The following MAPRE2 variants were observed in gnomAD, a reference collection of about 807,000 sequenced individuals.
MAPRE2 encodes the protein microtubule associated protein RP/EB family member 2.
A neutral mutation model predicts 43.2 loss-of-function variants in MAPRE2; 13 were observed. The observed-to-expected ratio is 0.30, with a 90% CI of 0.20 to 0.48. The LOEUF is 0.48. Among genes scored for constraint, MAPRE2 ranks in the 20% least tolerant of loss-of-function variants. The probability of loss-of-function intolerance (pLI) is 0.99; values close to 1 mark genes in which losing one functional copy is unlikely to be tolerated. For synonymous variants in MAPRE2, 135 were observed against 148.8 expected, an observed-to-expected ratio of 0.91 and a Z score of 0.68; for missense variants, 161 against 400.2, an observed-to-expected ratio of 0.40 and a Z score of 5.10.
chr18:35,064,239 T>G (rs887080033), intron 1 of MAPRE2, among the ~76,000 whole-genome samples: 3 of 151,782 alleles, frequency 2.0e-5, no homozygotes, highest in African/African-American at 7.3e-5. Context: ...TAAACCCTTT[T>G]CCTTATAGCC....
At chr18:35,002,511 A>G (rs1000832159) in intron 1 of MAPRE2, among the ~76,000 whole-genome samples, 2 of 152,178 alleles carry the variant, frequency 1.3e-5, no homozygotes, top group African/African-American at 4.8e-5. Context: ...TAGCTCTACC[A>G]TTTTACATTC....
chr18:34,985,644 A>G (rs1439724972), intron 1 of MAPRE2, among the ~76,000 whole-genome samples: 3 of 105,968 alleles, frequency 2.8e-5, no homozygotes, highest in African/African-American at 1.1e-4. Context: ...TTATAATAAT[A>G]TATAACATAT....
intron 1 of MAPRE2, among the ~76,000 whole-genome samples, chr18:35,068,455 A>G (rs1906944022): frequency 6.6e-6 from 1 of 152,218 alleles, no homozygotes; most frequent in Non-Finnish European, 1.5e-5. Flanking sequence ...AGCTTTTATC[A>G]ATAAAGGTAT....
upstream of MAPRE2, among the ~76,000 whole-genome samples, chr18:35,038,707 T>C (rs1193778507): frequency 6.6e-6 from 1 of 152,208 alleles, no homozygotes; most frequent in Non-Finnish European, 1.5e-5. Context: ...GCCCTCCCTT[T>C]TCCCTAGGGC....
At chr18:35,000,746 T>C (rs1255043797) in intron 1 of MAPRE2, among the ~76,000 whole-genome samples, 1 of 152,146 alleles carries the variant, frequency 6.6e-6, no homozygotes, top group Non-Finnish European at 1.5e-5. Flanking sequence ...TGGCTGCTCA[T>C]TTCTGAGGAG....
chr18:35,070,598 C>T (rs1042230245), intron 2 of MAPRE2: 1 of 219,584 alleles, frequency 4.6e-6, no homozygotes, highest in Non-Finnish European at 8.9e-6. Flanking sequence ...AGCCTCTTCT[C>T]TGTCATCCCA....
chr18:35,015,633 AGTGTGTGTGTGTGTGTGT>A (rs3082290), intron 2 of MAPRE2, among the ~76,000 whole-genome samples: 21 of 134,894 alleles, frequency 1.6e-4, no homozygotes, highest in East Asian at 4.4e-4. Flanking sequence ...TAGGGATGGC[AGTGTGTGTGTGTGTGTGT>A]GTGTGTGTGT....
At chr18:35,097,361 G>T in intron 2 of MAPRE2, 85 bp from the exon 3 acceptor site, 1 of 1,281,530 alleles carries the variant, frequency 7.8e-7, no homozygotes, top group Non-Finnish European at 1.1e-6. Flanking sequence ...GTGCCTGTAA[G>T]GACAATCCCC....
At chr18:35,064,168 A>G (rs932170982) in intron 1 of MAPRE2, among the ~76,000 whole-genome samples, 2 of 151,226 alleles carry the variant, frequency 1.3e-5, no homozygotes, top group African/African-American at 4.9e-5. Context: ...ACTGCACTCC[A>G]GCCTGAACAA....
In MAPRE2 at chr18:35,095,807, T is replaced by C. The variant is rs140829307; in HGVS notation, c.251-1639T>C. 4.4e-3 allele frequency among the ~76,000 whole-genome samples: 673 copies of C among 152,250 alleles called. 3 individuals carry two copies. Among genetic ancestry groups the C allele is most frequent in the Non-Finnish European group, 7.7e-3 (526 of 67,994 alleles). ...GTGGGTGATGACTCAAAGAATACCC[T>C]CCAGATCATGATGTTTCTCTTTCCT... On this transcript the variant is annotated intron_variant, in intron 2 of 6. Coordinates refer to ENST00000300249, the MANE Select transcript of MAPRE2 (RefSeq NM_014268.4).
intron 4 of MAPRE2, among the ~76,000 whole-genome samples, chr18:35,121,000 T>C (rs955699288): frequency 1.3e-5 from 2 of 152,208 alleles, no homozygotes; most frequent in African/African-American, 2.4e-5. Flanking sequence ...GTGCACACGC[T>C]CATGTTTTTA....
chr18:35,078,586 G>C (rs996888604), intron 2 of MAPRE2, among the ~76,000 whole-genome samples: 15 of 152,104 alleles, frequency 9.9e-5, no homozygotes, highest in Admixed American at 7.9e-4. Flanking sequence ...GAGAATTGAG[G>C]TGTCCTTGGA....
At chr18:35,113,769 T>C (rs563992426) in intron 4 of MAPRE2, among the ~76,000 whole-genome samples, 1 of 151,948 alleles carries the variant, frequency 6.6e-6, no homozygotes, top group South Asian at 2.1e-4. Context: ...GGCACACACC[T>C]GTAGTCCCAG....
upstream of MAPRE2, among the ~76,000 whole-genome samples, chr18:35,041,073 C>A (rs1392693154): frequency 1.3e-5 from 2 of 152,222 alleles, no homozygotes; most frequent in African/African-American, 2.4e-5. Flanking sequence ...CTCCCACACC[C>A]CTTTGCATGA....
At chr18:34,994,356 G>T (rs1034470968) in intron 1 of MAPRE2, among the ~76,000 whole-genome samples, 12 of 151,720 alleles carry the variant, frequency 7.9e-5, no homozygotes, top group Admixed American at 7.9e-4. Flanking sequence ...AGAAGTCTCA[G>T]TTGTGGTCAA....
chr18:35,018,529 C>T lies in MAPRE2; in HGVS notation c.-8+12976C>T, dbSNP rs189871740. 3.2e-4 allele frequency among the ~76,000 whole-genome samples: 48 copies of T among 150,440 alleles called. 1 individual carries two copies. Among genetic ancestry groups the T allele is most frequent in the Admixed American group, 2.7e-3 (41 of 15,016 alleles). ...CTTGATATTGGTCTGCTCAGGGTTTCGATTTCTTCCTGATTCAATCTTGGG... is the reference window on the plus strand; with the variant it reads ...CTTGATATTGGTCTGCTCAGGGTTTTGATTTCTTCCTGATTCAATCTTGGG... On this transcript the variant is annotated intron_variant, in intron 2 of 7. Transcript: ENST00000413393.
At chr18:35,116,194 A>G (rs912505705) in intron 4 of MAPRE2, among the ~76,000 whole-genome samples, 8 of 152,246 alleles carry the variant, frequency 5.3e-5, no homozygotes, top group African/African-American at 1.9e-4. Context: ...GCAAAACTTA[A>G]TGTATAAGTA....
At chr18:35,108,715 T>A (rs938964837) in intron 4 of MAPRE2, among the ~76,000 whole-genome samples, 1 of 152,134 alleles carries the variant, frequency 6.6e-6, no homozygotes, top group African/African-American at 2.4e-5. Flanking sequence ...ATTTCTCTAA[T>A]GATCAGTGAT....
intron 1 of MAPRE2, among the ~76,000 whole-genome samples, chr18:35,062,939 G>A (rs1906608216): frequency 6.6e-6 from 1 of 152,192 alleles, no homozygotes; most frequent in Non-Finnish European, 1.5e-5. Flanking sequence ...TAAACTGTTG[G>A]TAGTGGATTA....
Sources: gnomAD v4.1 joint callset for allele counts (sites outside exome capture counted in the v4.1 genomes callset) on GRCh38, gnomAD v4.1.1 for gene constraint, MANE v1.5 for transcripts, NCBI Gene and HGNC (gene_info 2026-07-23, HGNC 2026-07-21) for gene names.